The following APBB2 variants were observed in gnomAD, a reference collection of about 807,000 sequenced individuals.
APBB2 encodes the protein Fe65-like 1.
Under a neutral mutation model 82.5 loss-of-function variants are expected in APBB2, and 38 were observed. The ratio of observed to expected loss-of-function variants is 0.46; its 90% CI spans 0.36 to 0.60. The LOEUF (loss-of-function observed/expected upper bound fraction) is 0.60, where lower values mean the gene tolerates loss of function less well. Ranked by LOEUF, APBB2 falls within the 20% of genes least tolerant of loss-of-function variation. The pLI is 0.00. For synonymous variants in APBB2, 341 were observed against 368.2 expected (o/e 0.93, Z 0.85); for missense variants, 772 against 972.3 (o/e 0.79, Z 2.74).
intron 1 of APBB2, among the ~76,000 whole-genome samples, chr4:41,174,426 G>A (rs1053799053): frequency 1.3e-5 from 2 of 151,908 alleles, no homozygotes; most frequent in Non-Finnish European, 2.9e-5. Context: ...CAAATTAACC[G>A]GCGCATCCTA....
At chr4:41,032,926 A>G (rs1249095499) in intron 5 of APBB2, among the ~76,000 whole-genome samples, 14 of 149,910 alleles carry the variant, frequency 9.3e-5, no homozygotes, top group Non-Finnish European at 1.9e-4. Context: ...CTGGGACTAC[A>G]GGCGCGCGCC....
At chr4:41,109,609 T>C (rs1363456646) in intron 2 of APBB2, among the ~76,000 whole-genome samples, 1 of 152,170 alleles carries the variant, frequency 6.6e-6, no homozygotes, top group Non-Finnish European at 1.5e-5. Context: ...TAGCCGGGAT[T>C]ACAGGCACCC....
At chr4:40,863,687 G>C (rs1202661413) in intron 12 of APBB2, among the ~76,000 whole-genome samples, 1 of 151,772 alleles carries the variant, frequency 6.6e-6, no homozygotes, top group Non-Finnish European at 1.5e-5. Flanking sequence ...GAGGTCAGGA[G>C]TTCGAGGCCA....
intron 7 of APBB2, among the ~76,000 whole-genome samples, chr4:40,941,961 A>G (rs960424566): frequency 1.3e-5 from 2 of 152,130 alleles, no homozygotes; most frequent in African/African-American, 4.8e-5. Flanking sequence ...TGGGGAGTAA[A>G]GAGTTAAGGC....
At chr4:40,975,789 C>CAA (rs1553890006) in intron 6 of APBB2, among the ~76,000 whole-genome samples, 11 of 147,710 alleles carry the variant, frequency 7.4e-5, no homozygotes, top group Non-Finnish European at 1.4e-4. Context: ...CACACACACA[C>CAA]AACAACCACT....
At chr4:41,159,047 CCT>C (rs1011877353) in intron 1 of APBB2, among the ~76,000 whole-genome samples, 3 of 152,194 alleles carry the variant, frequency 2.0e-5, no homozygotes, top group African/African-American at 7.2e-5. Flanking sequence ...ACCCTCAGGT[CCT>C]CTCAGGTTGT....
intron 12 of APBB2, among the ~76,000 whole-genome samples, chr4:40,872,691 G>A (rs953249077): frequency 2.6e-5 from 4 of 152,098 alleles, no homozygotes; most frequent in African/African-American, 9.7e-5. Context: ...AGTTAGGAAT[G>A]AGGATGATGT....
At chr4:41,005,506 T>C (rs1806453693) in intron 6 of APBB2, among the ~76,000 whole-genome samples, 1 of 152,182 alleles carries the variant, frequency 6.6e-6, no homozygotes, top group African/African-American at 2.4e-5. Flanking sequence ...AGTAGTGTTT[T>C]TGTCTCTCTG....
At chr4:40,887,175 C>T (rs1770571066) in intron 12 of APBB2, among the ~76,000 whole-genome samples, 1 of 152,182 alleles carries the variant, frequency 6.6e-6, no homozygotes, top group African/African-American at 2.4e-5. Context: ...CCAATCACCT[C>T]CTCATGCAAA....
chr4:41,019,371 A>AG (rs1810858421), intron 5 of APBB2, among the ~76,000 whole-genome samples: 1 of 152,200 alleles, frequency 6.6e-6, no homozygotes, highest in African/African-American at 2.4e-5. Flanking sequence ...GCCCAAGATA[A>AG]GGGTACCTTC....
intron 12 of APBB2, among the ~76,000 whole-genome samples, chr4:40,844,821 C>G (rs865823296): frequency 6.6e-6 from 1 of 152,220 alleles, no homozygotes; most frequent in African/African-American, 2.4e-5. Flanking sequence ...AGATTTTTAT[C>G]AGAAAAGGAT....
intron 12 of APBB2, among the ~76,000 whole-genome samples, chr4:40,854,586 A>G (rs1472663057): frequency 6.6e-6 from 1 of 152,154 alleles, no homozygotes; most frequent in East Asian, 1.9e-4. Context: ...CAGGAGTTTA[A>G]GACCAGCCTG....
At chr4:41,197,344 C>G in intron 1 of APBB2, among the ~76,000 whole-genome samples, 2 of 152,116 alleles carry the variant, frequency 1.3e-5, no homozygotes, top group African/African-American at 4.8e-5. Flanking sequence ...ATTTGATGAG[C>G]CTTCTTAATG....
intron 1 of APBB2, among the ~76,000 whole-genome samples, chr4:41,205,323 G>C (rs1045730499): frequency 2.2e-4 from 33 of 152,102 alleles, no homozygotes; most frequent in African/African-American, 7.0e-4. Context: ...AATCCTTCAC[G>C]GGATTTTACA....
chr4:40,913,199 C>T (rs1778993791), intron 10 of APBB2, among the ~76,000 whole-genome samples: 1 of 152,148 alleles, frequency 6.6e-6, no homozygotes, highest in Admixed American at 6.5e-5. Context: ...AGGCTGTACC[C>T]GCCAGTCTGG....
chr4:41,193,199 T>C (rs189524448), intron 1 of APBB2, among the ~76,000 whole-genome samples: 17 of 152,364 alleles, frequency 1.1e-4, no homozygotes, highest in South Asian at 4.1e-4. Context: ...ATTTAAATAA[T>C]GTACCTCTCA....
In APBB2 at chr4:41,013,854, C is replaced by T. The variant is rs748739204; in HGVS notation, c.564G>A (p.Glu188=). 1 of 1,614,176 alleles carries T rather than the reference C, an allele frequency of 6.2e-7. No homozygotes were observed. The highest frequency in any genetic ancestry group is 8.5e-7 in the Non-Finnish European group (1 of 1,180,038). Residue 188 remains glutamate (E), a synonymous_variant, in exon 6 of 18, where the codon GAG becomes GAA. Coordinates refer to ENST00000508593, the MANE Select transcript of APBB2 (RefSeq NM_004307.2). ...CCTGGCCCTGGACTGGCTGGGATTT[C>T]TCTTCCGCAGTCCCATGGTGATTGC... ...NRGNHHGTAE[E]KSQPVQGQAS... is the part of the protein sequence containing the mutation.
intron 6 of APBB2, among the ~76,000 whole-genome samples, chr4:40,983,543 A>C (rs148948724): frequency 6.6e-6 from 1 of 151,812 alleles, no homozygotes; most frequent in South Asian, 2.1e-4. Flanking sequence ...TGTCACAGGG[A>C]GTCCAAGTTT....
chr4:40,852,341 ACT>A (rs1165331431), intron 12 of APBB2, among the ~76,000 whole-genome samples: 1 of 139,378 alleles, frequency 7.2e-6, no homozygotes, highest in Non-Finnish European at 1.5e-5. Context: ...ACAGAGCAAA[ACT>A]CTGTCTTCAA....
Sources: allele counts gnomAD v4.1 joint callset (sites outside exome capture counted in the v4.1 genomes callset), GRCh38; gene constraint gnomAD v4.1.1; transcripts MANE v1.5; gene names NCBI Gene and HGNC (gene_info 2026-07-23, HGNC 2026-07-21).